Variants in DAW1 observed in about 807,000 individuals in gnomAD.
DAW1 encodes the protein dynein assembly factor with WD repeat domains 1.
Under a neutral mutation model 56.5 loss-of-function variants are expected in DAW1, and 47 were observed. The observed-to-expected ratio is 0.83, with a 90% CI of 0.66 to 1.06. DAW1 has a LOEUF of 1.06. Ranked by LOEUF, DAW1 falls within the 50% of genes least tolerant of loss-of-function variation. The pLI, the probability that DAW1 is intolerant of heterozygous loss-of-function variation, is 0.00. For missense variants in DAW1, 505 were observed against 499.3 expected (o/e 1.01, Z -0.11); for synonymous variants, 190 against 179.0 (o/e 1.06, Z -0.49).
At chr2:227,876,483 A>G (rs1369890226) in intron 1 of DAW1, 1 of 1,302,522 alleles carries the variant, frequency 7.7e-7, no homozygotes, top group Non-Finnish European at 1.0e-6. Context: ...CCAAGATACT[A>G]CTGAATAGCA....
chr2:227,880,381 CTTTTT>C (rs34679935), intron 1 of DAW1, among the ~76,000 whole-genome samples: 3 of 143,848 alleles, frequency 2.1e-5, no homozygotes, highest in Non-Finnish European at 1.5e-5. Context: ...CACAAACAGT[CTTTTT>C]TTTTTTTTTT....
At chr2:227,876,194 G>A (rs1032959159) in intron 1 of DAW1, among the ~76,000 whole-genome samples, 8 of 152,074 alleles carry the variant, frequency 5.3e-5, no homozygotes, top group African/African-American at 1.9e-4. Flanking sequence ...TAATTTTTTT[G>A]TATTTTTAGT....
intron 5 of DAW1, among the ~76,000 whole-genome samples, chr2:227,894,719 A>G (rs1691365875): frequency 6.6e-6 from 1 of 152,238 alleles, no homozygotes; most frequent in Non-Finnish European, 1.5e-5. Context: ...CAACCTCTAG[A>G]TAATGAACAG....
At chr2:227,907,899 T>TATAGC (rs1025348534) in intron 10 of DAW1, among the ~76,000 whole-genome samples, 28 of 152,360 alleles carry the variant, frequency 1.8e-4, no homozygotes, top group Admixed American at 5.2e-4. Context: ...TCAACTTAAT[T>TATAGC]ACCATCAATG....
chr2:227,889,935 C>G lies in DAW1; in HGVS notation c.193C>G (p.Leu65Val). 6.2e-7 allele frequency: 1 copy of G among 1,607,956 alleles called. No individual in the cohort carries two copies. The highest frequency in any genetic ancestry group is 8.5e-7 in the Non-Finnish European group (1 of 1,177,826). ...LTASRTEQVK[L>V]LIQRLQEKLG... Reference sequence around the variant, plus strand: ...AGCTTCACGAACAGAGCAAGTCAAACTTTTGATACAGAGGTTGCAAGAGAA... The same window carrying G: ...AGCTTCACGAACAGAGCAAGTCAAAGTTTTGATACAGAGGTTGCAAGAGAA... Residue 65 changes from leucine (L) to valine (V), a missense_variant, in exon 3 of 13, where the codon CTT becomes GTT. Transcript: ENST00000309931.
At chr2:227,874,152 C>T (rs1219558092) in intron 1 of DAW1, among the ~76,000 whole-genome samples, 1 of 152,150 alleles carries the variant, frequency 6.6e-6, no homozygotes, top group Non-Finnish European at 1.5e-5. Flanking sequence ...CTCTTGCTTT[C>T]ATCTCTTTGT....
intron 10 of DAW1, 43 bp downstream of exon 10, chr2:227,907,295 G>T: frequency 3.3e-6 from 5 of 1,515,854 alleles, no homozygotes; most frequent in Non-Finnish European, 4.5e-6. Flanking sequence ...AGAGATTTAT[G>T]CTTTGCTTGA....
At chr2:227,882,675 T>TAATCCCCAC (rs1169955745) in intron 1 of DAW1, among the ~76,000 whole-genome samples, 4 of 152,312 alleles carry the variant, frequency 2.6e-5, no homozygotes, top group Non-Finnish European at 5.9e-5. Flanking sequence ...ATAATTCCCA[T>TAATCCCCAC]AATCCCCACA....
chr2:227,899,894 T>C (rs1307922670), intron 6 of DAW1, among the ~76,000 whole-genome samples: 1 of 152,226 alleles, frequency 6.6e-6, no homozygotes, highest in Admixed American at 6.5e-5. Flanking sequence ...GAAAGGGTCC[T>C]GTATTCTGCT....
chr2:227,916,888 A>G (rs370673505), intron 10 of DAW1, among the ~76,000 whole-genome samples: 50 of 152,032 alleles, frequency 3.3e-4, no homozygotes, highest in African/African-American at 1.2e-3. Flanking sequence ...CATCTGGATC[A>G]TCTTATTGAT....
intron 2 of DAW1, among the ~76,000 whole-genome samples, chr2:227,886,030 A>C (rs966888858): frequency 1.4e-5 from 2 of 141,250 alleles, no homozygotes; most frequent in African/African-American, 5.3e-5. Flanking sequence ...TCTGGAGTGC[A>C]GTGGCTCGAT....
intron 1 of DAW1, among the ~76,000 whole-genome samples, chr2:227,881,267 A>T (rs1559302111): frequency 6.6e-6 from 1 of 152,352 alleles, no homozygotes; most frequent in South Asian, 2.1e-4. Context: ...ATTTTGAAAG[A>T]TCATGAAGAT....
At chr2:227,918,183 C>CCATCATCCATCCATCCATCCAT (rs1553604209) in intron 10 of DAW1, among the ~76,000 whole-genome samples, 1 of 108,122 alleles carries the variant, frequency 9.2e-6, no homozygotes. Flanking sequence ...ATCCATCCAT[C>CCATCATCCATCCATCCATCCAT]CATCCATCCA....
At position 227,893,659 on chromosome 2, in the gene DAW1, G is replaced by A. The variant is rs1322319909; in HGVS notation, c.318-136G>A. The A allele has an allele frequency of 1.8e-5, 25 of 1,353,060 alleles. No individual in the cohort carries two copies. In the East Asian group the frequency reaches 4.5e-4, roughly 24 times the overall value. The allele number at this position is 1,353,060 out of a possible 1,614,324, so 83.8% of individuals were successfully genotyped here. A position where few individuals can be genotyped will look rare whatever the true frequency, so the allele number is the denominator to read the frequency against. ...TGCACTCCAGCCTGAGTGACAGAGCGAGACTCCCTCTTAAACAAACAAACA... is the reference window on the plus strand; with the variant it reads ...TGCACTCCAGCCTGAGTGACAGAGCAAGACTCCCTCTTAAACAAACAAACA... On this transcript the variant is annotated intron_variant, in intron 4 of 12. Transcript: ENST00000309931.
intron 10 of DAW1, among the ~76,000 whole-genome samples, chr2:227,911,715 A>G (rs1181871753): frequency 6.6e-6 from 1 of 152,140 alleles, no homozygotes; most frequent in Non-Finnish European, 1.5e-5. Flanking sequence ...GCAACAACTT[A>G]TAATTTCTCC....
intron 3 of DAW1, among the ~76,000 whole-genome samples, chr2:227,890,594 AAT>A (rs1479017316): frequency 2.0e-5 from 3 of 152,180 alleles, no homozygotes; most frequent in Admixed American, 2.0e-4. Context: ...AGTAACATAT[AAT>A]TATTAGTTAT....
chr2:227,872,714 G>A (rs1039504205), intron 1 of DAW1, among the ~76,000 whole-genome samples: 3 of 64,442 alleles, frequency 4.7e-5, no homozygotes, highest in Non-Finnish European at 8.6e-5. Flanking sequence ...CCGGCATTCC[G>A]TTATCATTCT....
chr2:227,903,544 A>G (rs1218168007), intron 7 of DAW1, among the ~76,000 whole-genome samples: 1 of 152,166 alleles, frequency 6.6e-6, no homozygotes, highest in Admixed American at 6.5e-5. Context: ...CCAGAGGGGA[A>G]AAGGCCAAAG....
chr2:227,914,045 G>A lies in DAW1; in HGVS notation c.974-4735G>A, dbSNP rs542190828. Among the ~76,000 whole-genome samples, 399 of 151,018 alleles carry A rather than the reference G, an allele frequency of 2.6e-3. 2 individuals carry two copies. The highest frequency in any genetic ancestry group is 9.2e-3 in the African/African-American group (380 of 41,100). ...ATTAGGTCTATTCATGTTCCTAAAG[G>A]CCTTTATAATGCAACAATATTTCTG... On this transcript the variant is annotated intron_variant, in intron 10 of 12. Transcript: ENST00000309931.
Sources: gnomAD v4.1 joint callset for allele counts (sites outside exome capture counted in the v4.1 genomes callset) on GRCh38, gnomAD v4.1.1 for gene constraint, MANE v1.5 for transcripts, NCBI Gene and HGNC (gene_info 2026-07-23, HGNC 2026-07-21) for gene names.